The following GGNBP2 variants were observed in gnomAD, a reference collection of about 807,000 sequenced individuals.
GGNBP2 encodes gametogenetin binding protein 2, also known as gametogenetin-binding protein 2.
GGNBP2 carries 10 observed loss-of-function variants against 85.9 expected under a neutral mutation model. The ratio of observed to expected loss-of-function variants is 0.12; its 90% CI spans 0.07 to 0.20. GGNBP2 has a LOEUF of 0.20. Among genes scored for constraint, GGNBP2 ranks in the 10% least tolerant of loss-of-function variants. GGNBP2 has a pLI of 1.00. For missense variants in GGNBP2, 595 were observed against 857.8 expected (o/e 0.69, Z 3.83); for synonymous variants, 287 against 285.7 (o/e 1.00, Z -0.05).
At chr17:36,569,071 G>A (rs370153387) in intron 6 of GGNBP2, among the ~76,000 whole-genome samples, 107 of 151,426 alleles carry the variant, frequency 7.1e-4, no homozygotes, top group African/African-American at 2.3e-3. Context: ...AATCTTCTAA[G>A]TGTCATTAAC....
intron 5 of GGNBP2, 68 bp from the exon 6 acceptor site, chr17:36,567,594 GT>G: frequency 1.3e-6 from 1 of 757,882 alleles, no homozygotes; most frequent in African/African-American, 1.8e-5. Context: ...ACTTTAATCT[GT>G]TTTTTGTTTT....
At chr17:36,568,981 C>T (rs902712790) in intron 6 of GGNBP2, among the ~76,000 whole-genome samples, 3 of 152,054 alleles carry the variant, frequency 2.0e-5, no homozygotes, top group Non-Finnish European at 4.4e-5. Flanking sequence ...GTCTCAGTCT[C>T]CTGACTTGTG....
At chr17:36,575,613 CAT>C (rs776677029) in intron 6 of GGNBP2, among the ~76,000 whole-genome samples, 80 of 66,916 alleles carry the variant, frequency 1.2e-3, no homozygotes, top group African/African-American at 2.2e-3. Flanking sequence ...TCTAATGTAA[CAT>C]ATATATATAT....
intron 6 of GGNBP2, chr17:36,577,399 A>G (rs1201399321): frequency 1.3e-5 from 2 of 153,112 alleles, no homozygotes; most frequent in African/African-American, 4.8e-5. Context: ...TTTGGGAAGA[A>G]AGAATTTGGC....
intron 9 of GGNBP2, among the ~76,000 whole-genome samples, chr17:36,583,502 A>C (rs535832085): frequency 6.6e-6 from 1 of 152,298 alleles, no homozygotes; most frequent in African/African-American, 2.4e-5. Context: ...TCTGTCACCC[A>C]TGCTGGATTG....
chr17:36,545,885 C>G (rs1449569143), intron 2 of GGNBP2, 68 bp downstream of exon 2: 5 of 1,134,112 alleles, frequency 4.4e-6, no homozygotes, highest in Non-Finnish European at 6.4e-6. Flanking sequence ...CCCCCTCCCC[C>G]AGGCCGAGCG....
intron 13 of GGNBP2, 162 bp downstream of exon 13, chr17:36,587,407 A>G: frequency 1.3e-6 from 1 of 775,408 alleles, no homozygotes; most frequent in Non-Finnish European, 2.1e-6. Context: ...CTGTCCTTCC[A>G]CTCGTGGTTT....
rs775760765 is a variant in GGNBP2 at position 36,585,823 on chromosome 17, A to C, written c.1367-17A>C. On this transcript the variant is annotated splice_polypyrimidine_tract_variant and intron_variant, in intron 10 of 13. Coordinates refer to ENST00000613102, the MANE Select transcript of GGNBP2 (RefSeq NM_024835.5). ...TATTGGTATGTTAATAGTAACTCTC[A>C]CTTGATTTATTCTCAGGCTTATCTC... 5 of 1,609,310 alleles carry C rather than the reference A, an allele frequency of 3.1e-6. No homozygotes were observed. The African/African-American group carries it at 6.7e-5, about 22-fold the overall frequency.
chr17:36,545,949 G>T, intron 2 of GGNBP2, 132 bp downstream of exon 2: 1 of 643,780 alleles, frequency 1.6e-6, no homozygotes, highest in Non-Finnish European at 2.7e-6. Flanking sequence ...CTTCTCTTCA[G>T]CAGGCCCCAC....
intron 7 of GGNBP2, chr17:36,578,450 A>G (rs1045232395): frequency 2.6e-6 from 1 of 388,380 alleles, no homozygotes; most frequent in Non-Finnish European, 4.6e-6. Flanking sequence ...ATTGTTACAG[A>G]CTATCATTTT....
chr17:36,553,663 A>C (rs974635266), intron 2 of GGNBP2, among the ~76,000 whole-genome samples: 1 of 152,190 alleles, frequency 6.6e-6, no homozygotes, highest in Non-Finnish European at 1.5e-5. Context: ...ATGTGGAAAT[A>C]GTTTGTCCTA....
chr17:36,545,604 G>T lies in GGNBP2; in HGVS notation c.-106-15G>T. ...AGCGGCGGGTGCTTACGCTCGCGGG[G>T]TTTGGCTGTTGCAGGCAGGAGCTGG... On this transcript the variant is annotated splice_polypyrimidine_tract_variant and intron_variant, in intron 1 of 13. Coordinates refer to ENST00000613102, the MANE Select transcript of GGNBP2 (RefSeq NM_024835.5). 1 of 731,166 alleles carries T rather than the reference G, an allele frequency of 1.4e-6. No homozygotes were observed. Among genetic ancestry groups the T allele is most frequent in the Non-Finnish European group, 2.3e-6 (1 of 428,906 alleles). The allele number at this position is 731,166 out of a possible 1,614,324, so 45.3% of individuals were successfully genotyped here.
intron 5 of GGNBP2, among the ~76,000 whole-genome samples, chr17:36,566,710 A>G (rs2074472523): frequency 6.6e-6 from 1 of 151,946 alleles, no homozygotes; most frequent in Admixed American, 6.6e-5. Flanking sequence ...CATAGTTCTT[A>G]TTAATTTAGG....
intron 6 of GGNBP2, among the ~76,000 whole-genome samples, chr17:36,571,712 G>A (rs2074526589): frequency 1.3e-5 from 2 of 152,030 alleles, no homozygotes; most frequent in Non-Finnish European, 2.9e-5. Flanking sequence ...GCTTGATGGC[G>A]GGCGCCTGTA....
At chr17:36,555,599 G>A (rs1415587660) in intron 3 of GGNBP2, among the ~76,000 whole-genome samples, 2 of 152,172 alleles carry the variant, frequency 1.3e-5, no homozygotes, top group African/African-American at 2.4e-5. Flanking sequence ...CGTAGGTTCA[G>A]GTGACAGGAT....
intron 6 of GGNBP2, chr17:36,574,641 C>G: frequency 3.4e-6 from 2 of 581,538 alleles, no homozygotes; most frequent in Non-Finnish European, 6.1e-6. Flanking sequence ...GTATAGTTAC[C>G]CAGGGCGGCA....
At chr17:36,569,774 A>C (rs1488863431) in intron 6 of GGNBP2, among the ~76,000 whole-genome samples, 1 of 152,170 alleles carries the variant, frequency 6.6e-6, no homozygotes, top group Non-Finnish European at 1.5e-5. Context: ...CTTCCTCTTT[A>C]AATATGAATT....
chr17:36,563,448 T>G (rs149147377), intron 5 of GGNBP2, among the ~76,000 whole-genome samples: 258 of 152,234 alleles, frequency 1.7e-3, no homozygotes, highest in African/African-American at 5.9e-3. Flanking sequence ...AGTCCCAGGC[T>G]TCGTGTTACT....
intron 13 of GGNBP2, among the ~76,000 whole-genome samples, 187 bp from the exon 14 acceptor site, chr17:36,589,021 A>G (rs1208639290): frequency 6.6e-6 from 1 of 152,298 alleles, no homozygotes; most frequent in East Asian, 1.9e-4. Flanking sequence ...AAGGAGTTGG[A>G]TTTTATTCTC....
Sources: allele counts gnomAD v4.1 joint callset (sites outside exome capture counted in the v4.1 genomes callset), GRCh38; gene constraint gnomAD v4.1.1; transcripts MANE v1.5; gene names NCBI Gene and HGNC (gene_info 2026-07-23, HGNC 2026-07-21).